Variants in LRRC49 observed in about 807,000 individuals in gnomAD.
LRRC49 encodes the protein leucine-rich repeat-containing protein 49.
LRRC49 carries 50 observed loss-of-function variants against 83.3 expected under a neutral mutation model. The ratio of observed to expected loss-of-function variants is 0.60; its 90% CI spans 0.48 to 0.76. LRRC49 has a LOEUF of 0.76. Among genes scored for constraint, LRRC49 ranks in the 30% least tolerant of loss-of-function variants. The probability of loss-of-function intolerance (pLI) is 0.00; values close to 1 mark genes in which losing one functional copy is unlikely to be tolerated. For missense variants in LRRC49, 704 were observed against 809.1 expected (o/e 0.87, Z 1.58); for synonymous variants, 286 against 283.3 (o/e 1.01, Z -0.10).
Position 71,001,753 on chromosome 15 carries a change from A to G in LRRC49, c.1170-6626A>G, listed in dbSNP as rs370452780. Reference sequence around the variant, plus strand: ...GTCCCCCAGGCTGGAGTGCAGTGGCACAATCTCGGCTCACTGCAACCTCTG... The same window carrying G: ...GTCCCCCAGGCTGGAGTGCAGTGGCGCAATCTCGGCTCACTGCAACCTCTG... On this transcript the variant is annotated intron_variant, in intron 11 of 15. Transcript: ENST00000260382. Among the ~76,000 whole-genome samples the G allele has an allele frequency of 4.7e-3, 712 of 151,902 alleles. 9 individuals carry two copies. The highest frequency in any genetic ancestry group is 0.017 in the African/African-American group (693 of 41,410).
intron 8 of LRRC49, among the ~76,000 whole-genome samples, chr15:70,959,423 G>A (rs772713363): frequency 3.3e-5 from 5 of 151,814 alleles, no homozygotes; most frequent in African/African-American, 7.3e-5. Context: ...CCAGGGAGGC[G>A]GAGGTTGCAG....
chr15:70,946,797 T>C (rs904857979), intron 8 of LRRC49, among the ~76,000 whole-genome samples: 2 of 152,184 alleles, frequency 1.3e-5, no homozygotes, highest in South Asian at 4.1e-4. Context: ...AGGTGTGAGA[T>C]GATATCTCAT....
chr15:71,026,526 CCCA>C (rs2039178068), intron 14 of LRRC49, among the ~76,000 whole-genome samples: 1 of 152,190 alleles, frequency 6.6e-6, no homozygotes, highest in Non-Finnish European at 1.5e-5. Flanking sequence ...AATTTACACT[CCCA>C]CCAACAGTGT....
chr15:70,992,745 T>C (rs1238827711), intron 11 of LRRC49, among the ~76,000 whole-genome samples: 1 of 151,910 alleles, frequency 6.6e-6, no homozygotes, highest in Non-Finnish European at 1.5e-5. Flanking sequence ...CCTCTGGAGG[T>C]TTCGTCTCAG....
chr15:70,998,952 T>C (rs1181897927), intron 11 of LRRC49, among the ~76,000 whole-genome samples: 2 of 152,174 alleles, frequency 1.3e-5, no homozygotes, highest in African/African-American at 2.4e-5. Context: ...TTCTTCTGCC[T>C]GCTAAAATCT....
chr15:70,989,420 C>T (rs933752148), intron 11 of LRRC49, among the ~76,000 whole-genome samples: 2 of 152,144 alleles, frequency 1.3e-5, no homozygotes, highest in African/African-American at 2.4e-5. Flanking sequence ...TCCAGTTGAT[C>T]GCATCGGCTC....
At chr15:70,992,504 G>A (rs1027199648) in intron 11 of LRRC49, among the ~76,000 whole-genome samples, 3 of 152,152 alleles carry the variant, frequency 2.0e-5, no homozygotes, top group African/African-American at 7.2e-5. Flanking sequence ...TGTCCTTTCC[G>A]TTTGTTAGTT....
At chr15:70,963,055 A>C (rs533219879) in intron 8 of LRRC49, among the ~76,000 whole-genome samples, 2 of 152,044 alleles carry the variant, frequency 1.3e-5, no homozygotes, top group African/African-American at 4.8e-5. Context: ...TCGCTTAAAC[A>C]GGAGTTCGAG....
At position 70,984,372 on chromosome 15, in the gene LRRC49, C is replaced by A. The variant is rs1439602194; in HGVS notation, c.1169+115C>A. Reference sequence around the variant, plus strand: ...AAAAGGGTTTTCTTAAGAAAACTTGCTGAAATTAGAAATTAAGATGGAAAA... The same window carrying A: ...AAAAGGGTTTTCTTAAGAAAACTTGATGAAATTAGAAATTAAGATGGAAAA... On this transcript the variant is annotated intron_variant, in intron 11 of 15. Coordinates refer to ENST00000260382, the MANE Select transcript of LRRC49 (RefSeq NM_017691.5). 5 of 897,590 alleles carry A rather than the reference C, an allele frequency of 5.6e-6. No individual in the cohort carries two copies. The Admixed American group carries it at 9.0e-5, about 16-fold the overall frequency. The allele number at this position is 897,590 out of a possible 1,614,324, so 55.6% of individuals were successfully genotyped here. A position where few individuals can be genotyped will look rare whatever the true frequency, so the allele number is the denominator to read the frequency against.
chr15:70,888,745 A>T (rs975149497), upstream of LRRC49, among the ~76,000 whole-genome samples: 9 of 152,206 alleles, frequency 5.9e-5, no homozygotes, highest in Non-Finnish European at 1.3e-4. Flanking sequence ...ATCTATTAAA[A>T]ATTCTAAATC....
intron 8 of LRRC49, among the ~76,000 whole-genome samples, chr15:70,949,126 T>C (rs12905428): frequency 0.75 from 113,889 of 152,134 alleles, 44,828 homozygotes; most frequent in East Asian, 0.86. Context: ...CATTATTAAC[T>C]TGTGGGCCAT....
chr15:70,995,486 G>T (rs1298356804), intron 11 of LRRC49, among the ~76,000 whole-genome samples: 1 of 152,176 alleles, frequency 6.6e-6, no homozygotes, highest in African/African-American at 2.4e-5. Flanking sequence ...GAGATCCGTT[G>T]AAGCCATTAT....
intron 3 of LRRC49, among the ~76,000 whole-genome samples, chr15:70,899,402 TAA>T (rs966350634): frequency 3.9e-5 from 6 of 152,172 alleles, no homozygotes; most frequent in African/African-American, 1.4e-4. Context: ...TTTGTTTTTT[TAA>T]CCATCTTGAC....
intron 8 of LRRC49, among the ~76,000 whole-genome samples, chr15:70,953,728 T>C (rs1218230793): frequency 6.6e-6 from 1 of 152,188 alleles, no homozygotes; most frequent in Non-Finnish European, 1.5e-5. Flanking sequence ...GGTTGCTTGT[T>C]GTTTCTCCTC....
intron 7 of LRRC49, among the ~76,000 whole-genome samples, chr15:70,926,439 T>C (rs2035201033): frequency 6.6e-6 from 1 of 152,152 alleles, no homozygotes; most frequent in South Asian, 2.1e-4. Flanking sequence ...CTTAGGTAAA[T>C]ATGTAGGAGT....
chr15:71,049,802 A>T lies in LRRC49; in HGVS notation c.*190A>T. 5.6e-6 allele frequency: 3 copies of T among 537,694 alleles called. No individual in the cohort carries two copies. Among genetic ancestry groups the T allele is most frequent in the African/African-American group, 1.9e-5 (1 of 52,130 alleles). The allele number at this position is 537,694 out of a possible 1,614,324, so 33.3% of individuals were successfully genotyped here. The stretch of plus-strand genomic sequence containing the variant: ...GGAAGGAAAGCAGGAGAAAGGAAGG[A>T]TTAATTGCCTGTATGTGAGGACCAA... On this transcript the variant is annotated 3_prime_UTR_variant, in exon 16 of 16. Coordinates refer to ENST00000260382, the MANE Select transcript of LRRC49 (RefSeq NM_017691.5).
At chr15:70,892,082 T>C (rs2033600295), upstream of LRRC49, 1 of 1,613,894 alleles carries the variant, frequency 6.2e-7, no homozygotes, top group Non-Finnish European at 8.5e-7. Context: ...CGAAGAGACG[T>C]CAAAACAGGC....
intron 7 of LRRC49, among the ~76,000 whole-genome samples, chr15:70,930,451 T>C (rs1334992804): frequency 6.6e-6 from 1 of 152,218 alleles, no homozygotes; most frequent in Non-Finnish European, 1.5e-5. Flanking sequence ...ACAGGCACAG[T>C]AGATTTAGCA....
chr15:71,009,911 A>C lies in LRRC49; in HGVS notation c.1512A>C (p.Pro504=). The C allele has an allele frequency of 6.2e-7, 1 of 1,612,452 alleles. No individual in the cohort carries two copies. Among genetic ancestry groups the C allele is most frequent in the Non-Finnish European group, 8.5e-7 (1 of 1,178,746 alleles). ...TGACAATTGATCCTCAAGGAAATCC[A>C]GTTGTCAATTTTACACTCTGGAAAT... is the stretch of plus-strand genomic sequence containing the variant. The part of the protein sequence containing the change: ...DQLTIDPQGN[P]VVNFTLWKYY... Residue 504 remains proline, a synonymous_variant, in exon 13 of 16, where the codon CCA becomes CCC. Transcript: ENST00000260382.
Sources: gnomAD v4.1 joint callset for allele counts (sites outside exome capture counted in the v4.1 genomes callset) on GRCh38, gnomAD v4.1.1 for gene constraint, MANE v1.5 for transcripts, NCBI Gene and HGNC (gene_info 2026-07-23, HGNC 2026-07-21) for gene names.